MGAM: variants seen among roughly 807,000 people sequenced by gnomAD.
MGAM encodes the protein alpha-1,4-glucosidase.
In MGAM, 253 loss-of-function variants were observed where a neutral mutation model predicts 358.8. The observed-to-expected ratio is 0.71, with a 90% CI of 0.64 to 0.78. The LOEUF (loss-of-function observed/expected upper bound fraction) is 0.78. Among genes scored for constraint, MGAM ranks in the 30% least tolerant of loss-of-function variants. The pLI is 0.00. For missense variants in MGAM, 3,080 were observed against 3,432.6 expected (o/e 0.90, Z 2.57); for synonymous variants, 1,105 against 1,227.1 (o/e 0.90, Z 2.08).
In MGAM at chr7:142,036,964, C is replaced by T. The variant is rs1024229488; in HGVS notation, c.2218C>T (p.Pro740Ser). 1.2e-6 allele frequency: 2 copies of T among 1,613,258 alleles called. No individual in the cohort carries two copies. Among genetic ancestry groups the T allele is most frequent in the Non-Finnish European group, 1.7e-6 (2 of 1,179,496 alleles). The change falls in exon 18 of 71, where the codon CCC becomes TCC. Residue 740 changes from proline (P) to serine (S), a missense_variant. Pro to Ser is a moderately conservative substitution (Grantham distance 74). This residue lies in a region of MGAM where 1,816 missense variants were observed against 1,840.5 expected (regional missense o/e 0.99). Transcript: ENST00000475668. ...CAGCCGAGGGGACACGGTGGCCAGGCCCCTTTTGCATGAGTAAGTTCACCT... is the reference window on the plus strand; with the variant it reads ...CAGCCGAGGGGACACGGTGGCCAGGTCCCTTTTGCATGAGTAAGTTCACCT... The part of the protein sequence containing the change: ...AHSRGDTVAR[P>S]LLHEFYEDNS...
chr7:141,999,092 G>A (rs1241906327), intron 1 of MGAM, among the ~76,000 whole-genome samples: 1 of 152,022 alleles, frequency 6.6e-6, no homozygotes, highest in African/African-American at 2.4e-5. Flanking sequence ...TGACGGCAGG[G>A]ATTTTTATCT....
At chr7:142,078,614 G>A (rs1813952003) in intron 48 of MGAM, 144 bp downstream of exon 48, 1 of 1,089,232 alleles carries the variant, frequency 9.2e-7, no homozygotes, top group South Asian at 1.7e-5. Flanking sequence ...TGACAAGTAG[G>A]TGGGGACATG....
chr7:142,050,980 T>G, intron 24 of MGAM, 116 bp downstream of exon 24: 1 of 1,392,688 alleles, frequency 7.2e-7, no homozygotes, highest in Admixed American at 2.0e-5. Flanking sequence ...GAGGCCTGTT[T>G]TGGGGAAGTG....
chr7:142,021,442 T>G, intron 5 of MGAM, 144 bp from the exon 6 acceptor site: 6 of 802,730 alleles, frequency 7.5e-6, no homozygotes, highest in East Asian at 2.7e-5. Flanking sequence ...GTGAACCATT[T>G]GAGTTTGGTA....
chr7:142,029,457 A>T (rs4236462), intron 10 of MGAM, among the ~76,000 whole-genome samples: 84,441 of 151,922 alleles, frequency 0.56, 23,870 homozygotes, highest in East Asian at 0.79. Flanking sequence ...AACATCATAG[A>T]GGTCATCTCT....
chr7:142,011,788 C>G (rs1219968812), intron 3 of MGAM, among the ~76,000 whole-genome samples: 1 of 152,176 alleles, frequency 6.6e-6, no homozygotes, highest in Non-Finnish European at 1.5e-5. Context: ...ATATTCACCA[C>G]AGTCTGATTT....
intron 21 of MGAM, among the ~76,000 whole-genome samples, chr7:142,045,474 T>C (rs1422331110): frequency 9.0e-6 from 1 of 111,626 alleles, no homozygotes; most frequent in East Asian, 2.5e-4. Context: ...TTATATATAT[T>C]ATATATACAT....
intron 18 of MGAM, among the ~76,000 whole-genome samples, chr7:142,037,570 A>T (rs1200071531): frequency 6.6e-6 from 1 of 152,190 alleles, no homozygotes; most frequent in East Asian, 1.9e-4. Flanking sequence ...TCAGGCACGT[A>T]TCAGGCTATT....
chr7:141,990,508 A>G (rs1240687227), intron 2 of MGAM, among the ~76,000 whole-genome samples: 2 of 152,102 alleles, frequency 1.3e-5, no homozygotes, highest in East Asian at 1.9e-4. Context: ...GTGGTTCCCT[A>G]TTGCTTGCAA....
intron 21 of MGAM, among the ~76,000 whole-genome samples, chr7:142,044,852 G>A (rs1355422937): frequency 1.7e-5 from 1 of 60,318 alleles, no homozygotes; most frequent in Non-Finnish European, 3.1e-5. Flanking sequence ...TTACATACAC[G>A]TGTAATATAT....
chr7:141,997,878 A>T (rs939662018), intron 1 of MGAM, among the ~76,000 whole-genome samples: 2 of 152,170 alleles, frequency 1.3e-5, no homozygotes, highest in Non-Finnish European at 2.9e-5. Flanking sequence ...AGCATTTTTG[A>T]TGAATAGCTA....
chr7:142,028,109 C>T (rs1807135949), intron 10 of MGAM, among the ~76,000 whole-genome samples: 1 of 152,090 alleles, frequency 6.6e-6, no homozygotes, highest in Non-Finnish European at 1.5e-5. Flanking sequence ...TGAATTGTAG[C>T]ATTTTAATGC....
Position 142,079,077 on chromosome 7 carries a change from G to A in MGAM, c.5847+69G>A, listed in dbSNP as rs1813998631. 9.9e-6 allele frequency: 13 copies of A among 1,307,408 alleles called. No individual in the cohort carries two copies. In the South Asian group the frequency reaches 1.6e-4, roughly 16 times the overall value. 81.0% of individuals were successfully genotyped at this position (1,307,408 alleles called of 1,614,324 possible). Reference sequence around the variant, plus strand: ...GTTCCATTATCTTTTTCTGGTTCAGGTCACACAACCCTAAAATAAGTTAAT... The same window carrying A: ...GTTCCATTATCTTTTTCTGGTTCAGATCACACAACCCTAAAATAAGTTAAT... On this transcript the variant is annotated intron_variant, in intron 49 of 70. Transcript: ENST00000475668.
At chr7:142,091,602 A>G (rs1319059734) in intron 57 of MGAM, among the ~76,000 whole-genome samples, 1 of 146,174 alleles carries the variant, frequency 6.8e-6, no homozygotes, top group African/African-American at 2.4e-5. Flanking sequence ...AGGAAATGGC[A>G]GGACTGACAT....
At chr7:142,037,679 G>A (rs925545096) in intron 18 of MGAM, among the ~76,000 whole-genome samples, 91 of 152,128 alleles carry the variant, frequency 6.0e-4, no homozygotes, top group African/African-American at 2.1e-3. Context: ...TAAATTATCT[G>A]ATATTTTGTA....
chr7:142,030,935 C>T (rs1173012414), intron 12 of MGAM, among the ~76,000 whole-genome samples, 178 bp downstream of exon 12: 1 of 152,026 alleles, frequency 6.6e-6, no homozygotes, highest in Non-Finnish European at 1.5e-5. Flanking sequence ...AGCCGGCCAT[C>T]GTAGCTTTTT....
chr7:141,991,342 C>T (rs1379043750), upstream of MGAM, among the ~76,000 whole-genome samples: 3 of 151,860 alleles, frequency 2.0e-5, no homozygotes, highest in African/African-American at 4.8e-5. Context: ...TTTCTGTGGC[C>T]GGAAGTGAGG....
At chr7:142,041,629 T>C (rs1002968628) in intron 21 of MGAM, among the ~76,000 whole-genome samples, 8 of 151,494 alleles carry the variant, frequency 5.3e-5, no homozygotes, top group African/African-American at 1.5e-4. Flanking sequence ...TTAACAACTC[T>C]ATCTCCTGCC....
rs1261560161 is a variant in MGAM, at chr7:142,078,610, G to A, written c.5646+140G>A. 2.7e-6 allele frequency: 3 copies of A among 1,113,696 alleles called. 1 individual carries two copies. Among genetic ancestry groups the A allele is most frequent in the Non-Finnish European group, 3.7e-6 (3 of 802,708 alleles). 69.0% of individuals were successfully genotyped at this position (1,113,696 alleles called of 1,614,324 possible). On this transcript the variant is annotated intron_variant, in intron 48 of 70. Coordinates refer to ENST00000475668, the MANE Select transcript of MGAM (RefSeq NM_001365693.1). Reference sequence around the variant, plus strand: ...AAGGGACATGATCTGGATGTGACAAGTAGGTGGGGACATGTGGAAAACTTT... The same window carrying A: ...AAGGGACATGATCTGGATGTGACAAATAGGTGGGGACATGTGGAAAACTTT...
Sources: gnomAD v4.1 joint callset for allele counts (sites outside exome capture counted in the v4.1 genomes callset) on GRCh38, gnomAD v4.1.1 for gene constraint, gnomAD v4.1.1 regional missense constraint, MANE v1.5 for transcripts, NCBI Gene and HGNC (gene_info 2026-07-23, HGNC 2026-07-21) for gene names.